Variants in PTPRM observed in about 807,000 individuals in gnomAD.
The protein encoded by PTPRM is receptor-type tyrosine-protein phosphatase mu.
Under a neutral mutation model 186.7 loss-of-function variants are expected in PTPRM, and 47 were observed. The ratio of observed to expected loss-of-function variants is 0.25; its 90% CI spans 0.20 to 0.32. PTPRM has a LOEUF of 0.32. PTPRM is among the 10% of genes least tolerant of loss of function. PTPRM has a pLI of 1.00. For missense variants in PTPRM, 1,494 were observed against 1,865.0 expected, an observed-to-expected ratio of 0.80 and a Z score of 3.66; for synonymous variants, 668 against 674.9, an observed-to-expected ratio of 0.99 and a Z score of 0.16.
At chr18:7,894,778 T>A (rs1364195026) in intron 3 of PTPRM, among the ~76,000 whole-genome samples, 1 of 151,948 alleles carries the variant, frequency 6.6e-6, no homozygotes, top group Non-Finnish European at 1.5e-5. Flanking sequence ...CTAAAGGAGG[T>A]GACACCTTTG....
chr18:7,900,033 G>A (rs1410759447), intron 3 of PTPRM, among the ~76,000 whole-genome samples: 1 of 152,208 alleles, frequency 6.6e-6, no homozygotes, highest in African/African-American at 2.4e-5. Flanking sequence ...ATTTGGCTGT[G>A]ATAAAGTATT....
chr18:7,731,656 TAC>T (rs1331352378), intron 1 of PTPRM, among the ~76,000 whole-genome samples: 1 of 152,220 alleles, frequency 6.6e-6, no homozygotes, highest in Admixed American at 6.5e-5. Flanking sequence ...TATCTTTATG[TAC>T]AGATTCTATG....
At chr18:8,133,276 T>G (rs1015743907) in intron 13 of PTPRM, among the ~76,000 whole-genome samples, 1 of 152,200 alleles carries the variant, frequency 6.6e-6, no homozygotes, top group South Asian at 2.1e-4. Context: ...GACTCTCATC[T>G]GTCATCACCA....
chr18:7,784,242 A>G lies in PTPRM; in HGVS notation c.196+9971A>G, dbSNP rs541638837. ...CTTTTCACTTTAAGACCAGGAACAA[A>G]TAGAAGTTCCTTCCCACTGTGAAAG... On this transcript the variant is annotated intron_variant, in intron 2 of 32. Transcript: ENST00000580170. 3.9e-5 allele frequency among the ~76,000 whole-genome samples: 6 copies of G among 152,290 alleles called. No individual in the cohort carries two copies. The East Asian group carries it at 9.6e-4, about 24-fold the overall frequency.
At chr18:8,324,814 G>A (rs552245472) in intron 22 of PTPRM, among the ~76,000 whole-genome samples, 1 of 152,306 alleles carries the variant, frequency 6.6e-6, no homozygotes, top group South Asian at 2.1e-4. Context: ...GCAAAGGCCA[G>A]ATTCAAGTGT....
At chr18:7,708,365 A>G (rs1429431192) in intron 1 of PTPRM, among the ~76,000 whole-genome samples, 1 of 152,220 alleles carries the variant, frequency 6.6e-6, no homozygotes, top group Non-Finnish European at 1.5e-5. Context: ...TTCTAAAAAG[A>G]CTGAAAACTA....
intron 22 of PTPRM, among the ~76,000 whole-genome samples, chr18:8,327,037 T>C (rs990853989): frequency 6.6e-6 from 1 of 152,232 alleles, no homozygotes; most frequent in Non-Finnish European, 1.5e-5. Flanking sequence ...AGTAGTCTTA[T>C]GTAAACCCCT....
At chr18:7,760,631 TAGGTAGCTAGATAGGTAAGTGCGTCCC>T (rs1379473146) in intron 1 of PTPRM, among the ~76,000 whole-genome samples, 3 of 152,132 alleles carry the variant, frequency 2.0e-5, no homozygotes, top group Non-Finnish European at 2.9e-5. Flanking sequence ...AACTATTTAC[TAGGTAGCTAGATAGGTAAGTGCGTCCC>T]AGGTAGCTAG....
intron 2 of PTPRM, among the ~76,000 whole-genome samples, chr18:7,842,852 A>AGAGG (rs1453873332): frequency 7.5e-6 from 1 of 133,936 alleles, no homozygotes; most frequent in Non-Finnish European, 1.5e-5. Context: ...AGAGAGAGAG[A>AGAGG]GAGAGAAACA....
At chr18:8,364,296 A>G (rs926358188) in intron 23 of PTPRM, among the ~76,000 whole-genome samples, 4 of 152,192 alleles carry the variant, frequency 2.6e-5, no homozygotes, top group African/African-American at 7.2e-5. Flanking sequence ...TATGCATGAG[A>G]AAACAGGCTC....
At chr18:8,234,937 ACTT>A (rs2094327098) in intron 14 of PTPRM, among the ~76,000 whole-genome samples, 1 of 152,074 alleles carries the variant, frequency 6.6e-6, no homozygotes, top group Non-Finnish European at 1.5e-5. Flanking sequence ...AATATATTCT[ACTT>A]GGCCATGGTG....
chr18:7,721,056 C>T (rs564311210), intron 1 of PTPRM, among the ~76,000 whole-genome samples: 1 of 151,724 alleles, frequency 6.6e-6, no homozygotes, highest in South Asian at 2.1e-4. Flanking sequence ...TACTCTTTAC[C>T]ACAGAGACTA....
intron 2 of PTPRM, among the ~76,000 whole-genome samples, chr18:7,828,420 C>T (rs2145692247): frequency 6.6e-6 from 1 of 151,912 alleles, no homozygotes; most frequent in East Asian, 1.9e-4. Context: ...CCCCACCCCA[C>T]AACAGTCCCC....
At chr18:7,604,618 G>A (rs1023327165) in intron 1 of PTPRM, among the ~76,000 whole-genome samples, 14 of 152,172 alleles carry the variant, frequency 9.2e-5, no homozygotes, top group Admixed American at 3.3e-4. Flanking sequence ...GAAAGAATGC[G>A]TGTACTCAGA....
chr18:7,639,568 G>C (rs1370778804), intron 1 of PTPRM, among the ~76,000 whole-genome samples: 1 of 151,220 alleles, frequency 6.6e-6, no homozygotes, highest in African/African-American at 2.4e-5. Flanking sequence ...TGTATTTTTA[G>C]TAGAGATGGG....
intron 13 of PTPRM, among the ~76,000 whole-genome samples, chr18:8,120,442 T>C (rs2092125155): frequency 6.6e-6 from 1 of 151,880 alleles, no homozygotes; most frequent in South Asian, 2.1e-4. Flanking sequence ...TTGTTTACCT[T>C]TTTGGATATT....
At chr18:7,736,408 C>T (rs143071370) in intron 1 of PTPRM, among the ~76,000 whole-genome samples, 1 of 152,134 alleles carries the variant, frequency 6.6e-6, no homozygotes, top group Non-Finnish European at 1.5e-5. Context: ...CAACCTCCGC[C>T]TTCTGGGCTC....
chr18:7,892,730 A>AG (rs2049145154), intron 3 of PTPRM, among the ~76,000 whole-genome samples: 1 of 152,210 alleles, frequency 6.6e-6, no homozygotes, highest in South Asian at 2.1e-4. Flanking sequence ...TCACATTTCT[A>AG]GTTTGAGAAG....
intron 2 of PTPRM, among the ~76,000 whole-genome samples, chr18:7,870,801 A>G (rs796237340): frequency 2.6e-5 from 4 of 152,118 alleles, no homozygotes; most frequent in African/African-American, 9.7e-5. Flanking sequence ...TGTAGACTCT[A>G]TGGAAGTAAT....
Sources: gnomAD v4.1 joint callset for allele counts (sites outside exome capture counted in the v4.1 genomes callset) on GRCh38, gnomAD v4.1.1 for gene constraint, MANE v1.5 for transcripts, NCBI Gene and HGNC (gene_info 2026-07-23, HGNC 2026-07-21) for gene names.